DPP10: variants seen among roughly 807,000 people sequenced by gnomAD.
DPP10 encodes dipeptidyl peptidase like 10, also known as inactive dipeptidyl peptidase 10.
A neutral mutation model predicts 120.9 loss-of-function variants in DPP10; 33 were observed. That is an observed-to-expected ratio of 0.27 (90% CI 0.21 to 0.37). The LOEUF is 0.37. Among genes scored for constraint, DPP10 ranks in the 10% least tolerant of loss-of-function variants. The pLI is 1.00. For synonymous variants in DPP10, 337 were observed against 326.1 expected, an observed-to-expected ratio of 1.03 and a Z score of -0.36; for missense variants, 816 against 942.8, an observed-to-expected ratio of 0.87 and a Z score of 1.76.
chr2:114,457,128 T>C (rs750304610), intron 1 of DPP10, among the ~76,000 whole-genome samples: 1 of 152,246 alleles, frequency 6.6e-6, no homozygotes, highest in Non-Finnish European at 1.5e-5. Context: ...TCATTCTTAA[T>C]GTTCAGGAGA....
intron 1 of DPP10, among the ~76,000 whole-genome samples, chr2:115,227,276 C>T (rs2057480793): frequency 6.6e-6 from 1 of 152,112 alleles, no homozygotes; most frequent in Non-Finnish European, 1.5e-5. Context: ...ACAGACTCTA[C>T]TAATTTTAGC....
chr2:115,528,975 T>TGG (rs1412486806), intron 5 of DPP10, among the ~76,000 whole-genome samples: 3 of 152,118 alleles, frequency 2.0e-5, no homozygotes, highest in Non-Finnish European at 4.4e-5. Context: ...TTTCTTGACC[T>TGG]GGTTGTTTAC....
chr2:115,022,763 A>G (rs961085826), intron 1 of DPP10, among the ~76,000 whole-genome samples: 2 of 152,202 alleles, frequency 1.3e-5, no homozygotes, highest in Admixed American at 6.5e-5. Flanking sequence ...CTATAAGGCC[A>G]TAGTCATCAA....
intron 11 of DPP10, among the ~76,000 whole-genome samples, chr2:115,757,509 A>G (rs188445315): frequency 2.6e-4 from 40 of 152,198 alleles, no homozygotes; most frequent in African/African-American, 7.2e-4. Context: ...AGACTCATTC[A>G]CTATCATGAG....
chr2:115,349,380 T>TAA (rs2063877099), intron 3 of DPP10, among the ~76,000 whole-genome samples: 1 of 152,064 alleles, frequency 6.6e-6, no homozygotes. Context: ...GTGAGGACAT[T>TAA]AGTGCCATAG....
At chr2:114,704,330 A>T (rs568779408) in intron 1 of DPP10, among the ~76,000 whole-genome samples, 1 of 152,128 alleles carries the variant, frequency 6.6e-6, no homozygotes, top group Non-Finnish European at 1.5e-5. Flanking sequence ...CTGATAGTGA[A>T]GTAAGGAGAG....
intron 5 of DPP10, among the ~76,000 whole-genome samples, chr2:115,675,197 A>C (rs1230549178): frequency 6.6e-6 from 1 of 152,216 alleles, no homozygotes; most frequent in Non-Finnish European, 1.5e-5. Flanking sequence ...TTCAGTGTAA[A>C]TGCTGAACCA....
chr2:115,031,661 G>A (rs963065369), intron 1 of DPP10, among the ~76,000 whole-genome samples: 1 of 152,092 alleles, frequency 6.6e-6, no homozygotes, highest in Non-Finnish European at 1.5e-5. Flanking sequence ...TAATTTCATG[G>A]ACAGGTAAAT....
intron 1 of DPP10, chr2:114,833,322 CACTT>C (rs1489247101): frequency 1.3e-5 from 2 of 150,936 alleles, no homozygotes; most frequent in Non-Finnish European, 3.0e-5. Flanking sequence ...AAAATGTACT[CACTT>C]GTTTGAGAAT....
chr2:114,788,805 G>C (rs1464173720), intron 1 of DPP10, among the ~76,000 whole-genome samples: 1 of 152,064 alleles, frequency 6.6e-6, no homozygotes, highest in African/African-American at 2.4e-5. Context: ...TAAAGCACTT[G>C]AGCATTTTTT....
At chr2:115,387,755 T>TA (rs1181019163) in intron 3 of DPP10, among the ~76,000 whole-genome samples, 1 of 152,108 alleles carries the variant, frequency 6.6e-6, no homozygotes, top group South Asian at 2.1e-4. Flanking sequence ...AGGTCATAGG[T>TA]AAAATACAAG....
At chr2:115,788,165 G>C (rs900514963) in intron 17 of DPP10, among the ~76,000 whole-genome samples, 1 of 151,980 alleles carries the variant, frequency 6.6e-6, no homozygotes, top group Non-Finnish European at 1.5e-5. Context: ...TCCAATTTAC[G>C]TGTAACTACA....
At chr2:115,593,217 C>T (rs1052928859) in intron 5 of DPP10, among the ~76,000 whole-genome samples, 6 of 152,124 alleles carry the variant, frequency 3.9e-5, no homozygotes, top group East Asian at 1.9e-4. Flanking sequence ...TTTGCCTTTA[C>T]GTGTGATGCA....
Position 114,911,719 on chromosome 2 carries a change from C to T in DPP10, c.61-397520C>T, listed in dbSNP as rs748522064. On this transcript the variant is annotated intron_variant, in intron 1 of 25. Coordinates refer to ENST00000410059, the MANE Select transcript of DPP10 (RefSeq NM_020868.6). ...GGAAGTAAGTTTAGTGGCCAAGGAA[C>T]TGAGAGAAAGATAAATCATACTGAG... 6.1e-4 allele frequency among the ~76,000 whole-genome samples: 93 copies of T among 152,266 alleles called. 1 individual carries two copies. The highest frequency in any genetic ancestry group is 2.3e-3 in the Admixed American group (35 of 15,302).
chr2:114,931,707 ATC>A (rs1696082933), intron 1 of DPP10, among the ~76,000 whole-genome samples: 1 of 152,222 alleles, frequency 6.6e-6, no homozygotes, highest in Non-Finnish European at 1.5e-5. Flanking sequence ...AACATTAGAA[ATC>A]TGCTGCCATT....
rs558324540 is a variant in DPP10 at position 115,381,048 on chromosome 2, G to A, written c.271+37136G>A. The stretch of plus-strand genomic sequence containing the variant: ...TATGTGTCTTAGAGTTGCTCTTCTC[G>A]TGGAGTATCTTTGTGGCATTCTCTG... On this transcript the variant is annotated intron_variant, in intron 3 of 25. Coordinates refer to ENST00000410059, the MANE Select transcript of DPP10 (RefSeq NM_020868.6). Among the ~76,000 whole-genome samples the A allele has an allele frequency of 3.0e-4, 45 of 152,122 alleles. 1 individual carries two copies. The East Asian group carries it at 6.4e-3, about 22-fold the overall frequency.
intron 1 of DPP10, among the ~76,000 whole-genome samples, chr2:114,533,064 C>A (rs1686175350): frequency 6.6e-6 from 1 of 152,168 alleles, no homozygotes; most frequent in Non-Finnish European, 1.5e-5. Flanking sequence ...GTCAGACCAG[C>A]TACTATTGAG....
chr2:114,643,933 A>ATTTTT (rs1220069237), intron 1 of DPP10, among the ~76,000 whole-genome samples: 1 of 133,836 alleles, frequency 7.5e-6, no homozygotes, highest in Non-Finnish European at 1.6e-5. Flanking sequence ...ATATATATAT[A>ATTTTT]TATTTTTTTT....
At chr2:115,521,505 G>A (rs1420654526) in intron 4 of DPP10, among the ~76,000 whole-genome samples, 2 of 151,904 alleles carry the variant, frequency 1.3e-5, no homozygotes, top group African/African-American at 4.8e-5. Context: ...TTTCTCCAGT[G>A]AGAATGTTAC....
Sources: gnomAD v4.1 joint callset for allele counts (sites outside exome capture counted in the v4.1 genomes callset) on GRCh38, gnomAD v4.1.1 for gene constraint, MANE v1.5 for transcripts, NCBI Gene and HGNC (gene_info 2026-07-23, HGNC 2026-07-21) for gene names.